RBFOX1: variants seen among roughly 807,000 people sequenced by gnomAD.
RBFOX1 encodes the protein RNA binding protein fox-1 homolog 1.
In RBFOX1, 8 loss-of-function variants were observed where a neutral mutation model predicts 57.7. That is an observed-to-expected ratio of 0.14 (90% confidence interval 0.08 to 0.25). The LOEUF is 0.25. Ranked by LOEUF, RBFOX1 falls within the 10% of genes least tolerant of loss-of-function variation. The pLI is 1.00. For synonymous variants in RBFOX1, 326 were observed against 222.4 expected (o/e 1.47, Z -4.15); for missense variants, 611 against 548.5 (o/e 1.11, Z -1.14).
Position 5,490,897 on chromosome 16 carries a change from A to G in RBFOX1, c.258+23643A>G, listed in dbSNP as rs185834846. ...AAGGATACGTCCTGGGAGGTGCGTC[A>G]TTGGGTGATTTCATTATGTGAACCT... On this transcript the variant is annotated intron_variant, in intron 2 of 2. Coordinates refer to the RBFOX1 transcript ENST00000585867. Among the ~76,000 whole-genome samples, 17 of 152,292 alleles carry G rather than the reference A, an allele frequency of 1.1e-4. 2 individuals are homozygous for G. The East Asian group carries it at 3.1e-3, about 28-fold the overall frequency.
At chr16:7,425,974 A>T (rs117210771) in intron 4 of RBFOX1, among the ~76,000 whole-genome samples, 3 of 152,222 alleles carry the variant, frequency 2.0e-5, no homozygotes, top group Non-Finnish European at 4.4e-5. Context: ...GCTCAGATCA[A>T]TTGTTTATAC....
At chr16:5,331,705 G>A (rs957616378) in intron 1 of RBFOX1, among the ~76,000 whole-genome samples, 1 of 152,274 alleles carries the variant, frequency 6.6e-6, no homozygotes, top group African/African-American at 2.4e-5. Context: ...GGGTATGGCT[G>A]CAGAATGCAG....
At chr16:7,690,219 C>G (rs949595110) in intron 14 of RBFOX1, among the ~76,000 whole-genome samples, 3 of 152,122 alleles carry the variant, frequency 2.0e-5, no homozygotes, top group African/African-American at 7.2e-5. Flanking sequence ...TGGGCCCTAT[C>G]ACTGGCACTC....
At chr16:6,931,883 C>T (rs1044397266) in intron 3 of RBFOX1, among the ~76,000 whole-genome samples, 2 of 152,116 alleles carry the variant, frequency 1.3e-5, no homozygotes, top group Non-Finnish European at 2.9e-5. Flanking sequence ...TATAAGGCAT[C>T]ACATGGCAAG....
chr16:6,009,353 C>G (rs1259525330), intron 4 of RBFOX1, among the ~76,000 whole-genome samples: 1 of 152,198 alleles, frequency 6.6e-6, no homozygotes, highest in African/African-American at 2.4e-5. Context: ...TACAAAGAAG[C>G]ACGTTCCACA....
intron 3 of RBFOX1, among the ~76,000 whole-genome samples, chr16:5,835,036 C>T (rs1363651379): frequency 6.6e-6 from 1 of 152,084 alleles, no homozygotes; most frequent in Non-Finnish European, 1.5e-5. Flanking sequence ...AGTCAGTAAA[C>T]AATAGATATT....
At chr16:6,961,529 A>C (rs2083011335) in intron 3 of RBFOX1, among the ~76,000 whole-genome samples, 1 of 152,238 alleles carries the variant, frequency 6.6e-6, no homozygotes. Context: ...CGTAAAGTCA[A>C]AGCAAGTTTA....
intron 3 of RBFOX1, among the ~76,000 whole-genome samples, chr16:6,666,709 C>A (rs764676561): frequency 3.9e-5 from 6 of 152,116 alleles, no homozygotes; most frequent in Non-Finnish European, 5.9e-5. Flanking sequence ...CTGTGCTCCT[C>A]ATGCTCAGGG....
At chr16:6,483,491 C>T (rs1306437862) in intron 2 of RBFOX1, 1 of 1,535,728 alleles carries the variant, frequency 6.5e-7, no homozygotes, top group East Asian at 2.4e-5. Flanking sequence ...AGGCACTTTG[C>T]AGCCGACAAT....
intron 13 of RBFOX1, among the ~76,000 whole-genome samples, chr16:7,676,341 A>G (rs1008001475): frequency 1.9e-4 from 29 of 152,254 alleles, no homozygotes; most frequent in Admixed American, 1.9e-3. Context: ...ACAGGAAAGC[A>G]TTCACTTTAT....
intron 4 of RBFOX1, among the ~76,000 whole-genome samples, chr16:7,110,699 A>G (rs2151567747): frequency 6.6e-6 from 1 of 152,290 alleles, no homozygotes; most frequent in East Asian, 1.9e-4. Flanking sequence ...AGTCAACAAA[A>G]TACAGCCTGG....
At chr16:7,455,905 T>G (rs955950988) in intron 4 of RBFOX1, among the ~76,000 whole-genome samples, 3 of 152,204 alleles carry the variant, frequency 2.0e-5, no homozygotes, top group African/African-American at 7.2e-5. Flanking sequence ...ATTCTCTGTT[T>G]TTATTCTTAC....
At chr16:7,374,928 C>A (rs1211287498) in intron 4 of RBFOX1, among the ~76,000 whole-genome samples, 1 of 152,166 alleles carries the variant, frequency 6.6e-6, no homozygotes, top group African/African-American at 2.4e-5. Flanking sequence ...AAGACCTCTG[C>A]ACTTACAAAT....
chr16:6,828,875 G>A lies in RBFOX1; in HGVS notation c.-16+174225G>A, dbSNP rs147439893. Among the ~76,000 whole-genome samples, 1,325 of 152,152 alleles carry A rather than the reference G, an allele frequency of 8.7e-3. 20 individuals carry two copies. Among genetic ancestry groups the A allele is most frequent in the Middle Eastern group, 0.031 (9 of 294 alleles). On this transcript the variant is annotated intron_variant, in intron 3 of 15. Transcript: ENST00000550418. ...ATTTTCATAAGTATTCCACCCCTTG[G>A]CTAAAGAAACACATAAAGGTAGCAG...
intron 1 of RBFOX1, among the ~76,000 whole-genome samples, chr16:6,143,246 C>T (rs1479361881): frequency 6.6e-6 from 1 of 152,146 alleles, no homozygotes; most frequent in Non-Finnish European, 1.5e-5. Context: ...TTGCATGTTT[C>T]TATGGAAACA....
At chr16:5,672,242 A>G (rs2151419653) in intron 3 of RBFOX1, among the ~76,000 whole-genome samples, 1 of 152,258 alleles carries the variant, frequency 6.6e-6, no homozygotes, top group South Asian at 2.1e-4. Flanking sequence ...GCCCTTTGGA[A>G]CTGTCTGGGC....
At chr16:5,366,415 T>G in intron 1 of RBFOX1, 3 of 445,642 alleles carry the variant, frequency 6.7e-6, no homozygotes, top group Non-Finnish European at 1.3e-5. Flanking sequence ...CAGCCAAAAA[T>G]GCACACAAGT....
intron 4 of RBFOX1, among the ~76,000 whole-genome samples, chr16:7,362,849 G>A (rs190201757): frequency 3.3e-5 from 5 of 152,286 alleles, no homozygotes; most frequent in African/African-American, 1.2e-4. Flanking sequence ...CAGCATGTAC[G>A]TTTTATAATG....
At chr16:7,600,807 G>A (rs1449337213) in intron 9 of RBFOX1, among the ~76,000 whole-genome samples, 2 of 152,176 alleles carry the variant, frequency 1.3e-5, no homozygotes, top group African/African-American at 4.8e-5. Context: ...GTCCATTATA[G>A]AGGGTTACAG....
Sources: allele counts gnomAD v4.1 joint callset (sites outside exome capture counted in the v4.1 genomes callset), GRCh38; gene constraint gnomAD v4.1.1; transcripts MANE v1.5; gene names NCBI Gene and HGNC (gene_info 2026-07-23, HGNC 2026-07-21).